CDH12: variants seen among roughly 807,000 people sequenced by gnomAD.
CDH12 encodes the protein cadherin 12.
Under a neutral mutation model 74.1 loss-of-function variants are expected in CDH12, and 41 were observed. The observed-to-expected ratio is 0.55, with a 90% CI of 0.43 to 0.72. CDH12 has a LOEUF of 0.72. CDH12 is among the 30% of genes least tolerant of loss of function. The pLI is 0.00. For synonymous variants in CDH12, 399 were observed against 355.0 expected, an observed-to-expected ratio of 1.12 and a Z score of -1.39; for missense variants, 945 against 977.2, an observed-to-expected ratio of 0.97 and a Z score of 0.44.
intron 3 of CDH12, among the ~76,000 whole-genome samples, chr5:22,326,228 A>ATT (rs111680651): frequency 8.1e-5 from 12 of 149,066 alleles, no homozygotes; most frequent in South Asian, 6.4e-4. Context: ...CCAGTTGGCT[A>ATT]TTTTTTTTTT....
At chr5:22,100,594 C>G (rs1744082542) in intron 4 of CDH12, among the ~76,000 whole-genome samples, 1 of 151,208 alleles carries the variant, frequency 6.6e-6, no homozygotes, top group Non-Finnish European at 1.5e-5. Context: ...CTGTTACTCT[C>G]TATAAAAATC....
intron 3 of CDH12, among the ~76,000 whole-genome samples, chr5:22,403,707 A>G (rs2126454313): frequency 6.6e-6 from 1 of 152,316 alleles, no homozygotes; most frequent in Non-Finnish European, 1.5e-5. Context: ...GCCGGAGACT[A>G]TGAGTTTGCC....
At chr5:22,611,627 A>G (rs1051810075) in intron 1 of CDH12, among the ~76,000 whole-genome samples, 3 of 152,160 alleles carry the variant, frequency 2.0e-5, no homozygotes, top group Admixed American at 2.0e-4. Flanking sequence ...AGTATTATTC[A>G]TATAGAGATG....
intron 3 of CDH12, among the ~76,000 whole-genome samples, chr5:22,378,136 G>A (rs1014991588): frequency 1.3e-5 from 2 of 152,014 alleles, no homozygotes; most frequent in Non-Finnish European, 2.9e-5. Flanking sequence ...AAACATACCA[G>A]AATGGACTTA....
At chr5:22,647,797 T>A (rs1375538960) in intron 1 of CDH12, among the ~76,000 whole-genome samples, 2 of 151,880 alleles carry the variant, frequency 1.3e-5, no homozygotes, top group African/African-American at 4.8e-5. Flanking sequence ...ATTACAATAT[T>A]TATTTTTGAA....
chr5:21,800,199 C>A (rs912366270), intron 10 of CDH12, among the ~76,000 whole-genome samples: 1 of 152,062 alleles, frequency 6.6e-6, no homozygotes, highest in Non-Finnish European at 1.5e-5. Context: ...ATGAATTGTA[C>A]CTTTTGTCTC....
At position 21,804,643 on chromosome 5, in the gene CDH12, A is replaced by AAAAC. The variant is rs1554032478; in HGVS notation, c.1003-2224_1003-2223insGTTT. 3.9e-3 allele frequency among the ~76,000 whole-genome samples: 447 copies of AAAAC among 115,362 alleles called. 6 individuals carry two copies. The highest frequency in any genetic ancestry group is 0.014 in the African/African-American group (426 of 31,398). 75.7% of individuals were successfully genotyped at this position (115,362 alleles called of 152,430 possible). On this transcript the variant is annotated intron_variant, in intron 9 of 14. Transcript: ENST00000382254. Reference sequence around the variant, plus strand: ...ATAAAATCATTCTATAGTGAATTAAAACACACACACACACACACACACACA... The same window carrying AAAAC: ...ATAAAATCATTCTATAGTGAATTAAAAAACACACACACACACACACACACACACA...
intron 3 of CDH12, among the ~76,000 whole-genome samples, chr5:22,225,140 C>T (rs979464637): frequency 3.3e-5 from 5 of 151,938 alleles, no homozygotes; most frequent in African/African-American, 9.7e-5. Flanking sequence ...CATAACGATT[C>T]GGTTGCACCC....
chr5:22,495,454 C>T lies in CDH12; in HGVS notation c.-428+9816G>A, dbSNP rs142750717. On this transcript the variant is annotated intron_variant, in intron 2 of 14. Coordinates refer to ENST00000382254, the MANE Select transcript of CDH12 (RefSeq NM_004061.5). ...GTGGTGGGGCTAAATGTGTTCTTTA[C>T]ACATGATTTATTGTATCCAAGGACC... Among the ~76,000 whole-genome samples the T allele has an allele frequency of 8.2e-3, 1,243 of 152,188 alleles. 17 individuals carry two copies. The highest frequency in any genetic ancestry group is 0.029 in the African/African-American group (1,202 of 41,502).
intron 5 of CDH12, among the ~76,000 whole-genome samples, chr5:22,010,743 T>C (rs992622553): frequency 6.6e-6 from 1 of 152,194 alleles, no homozygotes; most frequent in African/African-American, 2.4e-5. Context: ...AACAACATTC[T>C]CAGTCATCTC....
chr5:22,198,616 C>T (rs1184074290), intron 4 of CDH12, among the ~76,000 whole-genome samples: 1 of 152,022 alleles, frequency 6.6e-6, no homozygotes, highest in Non-Finnish European at 1.5e-5. Flanking sequence ...CCTATGAAAA[C>T]TCTACTTTCT....
At chr5:22,563,302 T>C (rs1739148087) in intron 1 of CDH12, among the ~76,000 whole-genome samples, 1 of 152,116 alleles carries the variant, frequency 6.6e-6, no homozygotes, top group African/African-American at 2.4e-5. Flanking sequence ...TCTCATTGTC[T>C]TTTTGATTTG....
At chr5:21,770,160 TTAAAATTG>T (rs1465296546) in intron 11 of CDH12, among the ~76,000 whole-genome samples, 1 of 152,198 alleles carries the variant, frequency 6.6e-6, no homozygotes. Flanking sequence ...GCAGAGCTTC[TTAAAATTG>T]TACCTCGTAG....
In CDH12 at chr5:22,080,833, G is replaced by A. The variant is rs191873481; in HGVS notation, c.-186-1971C>T. 5.3e-3 allele frequency among the ~76,000 whole-genome samples: 807 copies of A among 151,764 alleles called. 5 individuals carry two copies. Among genetic ancestry groups the A allele is most frequent in the African/African-American group, 0.018 (765 of 41,390 alleles). On this transcript the variant is annotated intron_variant, in intron 4 of 14. Coordinates refer to ENST00000382254, the MANE Select transcript of CDH12 (RefSeq NM_004061.5). ...CTTGCTGTGTCTCCCAGGCTGGAGC[G>A]CAGTGGCGTAATCTCAGCTCATTGC...
chr5:22,315,083 C>CCAGGACTA (rs1160784541), intron 3 of CDH12, among the ~76,000 whole-genome samples: 1 of 121,790 alleles, frequency 8.2e-6, no homozygotes, highest in Non-Finnish European at 1.7e-5. Context: ...GCCTCAGTAG[C>CCAGGACTA]CAGGACTACA....
At chr5:21,849,539 T>C (rs1750354104) in intron 7 of CDH12, among the ~76,000 whole-genome samples, 1 of 151,808 alleles carries the variant, frequency 6.6e-6, no homozygotes, top group African/African-American at 2.4e-5. Context: ...TTTATTAGCG[T>C]CTATTGATTT....
chr5:22,653,611 C>G (rs1267977460), intron 1 of CDH12, among the ~76,000 whole-genome samples: 1 of 152,158 alleles, frequency 6.6e-6, no homozygotes, highest in Non-Finnish European at 1.5e-5. Context: ...TGTCATCTCA[C>G]CCCTGGGGTA....
intron 4 of CDH12, among the ~76,000 whole-genome samples, chr5:22,170,639 T>C (rs959541330): frequency 1.2e-4 from 18 of 151,780 alleles, no homozygotes; most frequent in Admixed American, 9.9e-4. Context: ...AGTGCTTTCC[T>C]CTAATTATCA....
chr5:22,090,796 C>T (rs1486988242), intron 4 of CDH12, among the ~76,000 whole-genome samples: 1 of 151,848 alleles, frequency 6.6e-6, no homozygotes, highest in Non-Finnish European at 1.5e-5. Flanking sequence ...TAATGTAATA[C>T]CCATGTCAAT....
Sources: allele counts gnomAD v4.1 joint callset (sites outside exome capture counted in the v4.1 genomes callset), GRCh38; gene constraint gnomAD v4.1.1; transcripts MANE v1.5; gene names NCBI Gene and HGNC (gene_info 2026-07-23, HGNC 2026-07-21).